Variants in SMARCA2 observed in about 807,000 individuals in gnomAD.
The protein encoded by SMARCA2 is SWI/SNF-related matrix-associated actin-dependent regulator of chromatin subfamily A member 2.
In SMARCA2, 61 loss-of-function variants were observed where a neutral mutation model predicts 199.8. That is an observed-to-expected ratio of 0.31 (90% CI 0.25 to 0.38). SMARCA2 has a LOEUF of 0.38. SMARCA2 is among the 10% of genes least tolerant of loss of function. SMARCA2 has a pLI of 1.00. For synonymous variants in SMARCA2, 935 were observed against 732.0 expected (o/e 1.28, Z -4.48); for missense variants, 1,344 against 2,012.2 (o/e 0.67, Z 6.35).
At chr9:2,019,061 C>A (rs572552744) in intron 1 of SMARCA2, among the ~76,000 whole-genome samples, 1 of 151,144 alleles carries the variant, frequency 6.6e-6, no homozygotes, top group African/African-American at 2.4e-5. Flanking sequence ...CTTTACAATG[C>A]AAATGTTTGC....
chr9:2,042,802 T>G (rs1282041786), intron 4 of SMARCA2: 1 of 152,154 alleles, frequency 6.6e-6, no homozygotes, highest in Non-Finnish European at 1.5e-5. Context: ...TGACAATATT[T>G]GGGCAGGTAG....
Position 2,115,817 on chromosome 9 carries a change from A to T in SMARCA2, c.3457-5A>T, listed in dbSNP as rs1038324759. 2 of 1,613,214 alleles carry T rather than the reference A, an allele frequency of 1.2e-6. No homozygotes were observed. The highest frequency in any genetic ancestry group is 1.7e-5 in the Admixed American group (1 of 59,966). On this transcript the variant is annotated splice_region_variant and splice_polypyrimidine_tract_variant and intron_variant, in intron 24 of 33. Coordinates refer to ENST00000349721, the MANE Select transcript of SMARCA2 (RefSeq NM_003070.5). This position sits in a 1 kb window ranked among gnomAD's most constrained non-coding sequence, Gnocchi z 6.0. ...GTCCTCATAGCATATTGACCCCCCAAACAGGATCTGCAGGCCCAAGACCGA... is the reference window on the plus strand; with the variant it reads ...GTCCTCATAGCATATTGACCCCCCATACAGGATCTGCAGGCCCAAGACCGA...
intron 3 of SMARCA2, among the ~76,000 whole-genome samples, chr9:2,033,701 G>A (rs1403612978): frequency 6.6e-6 from 1 of 152,204 alleles, no homozygotes; most frequent in Non-Finnish European, 1.5e-5. Flanking sequence ...CATCAGCAGG[G>A]CCATGCTCTC....
chr9:2,096,337 T>C (rs1382437665), intron 19 of SMARCA2, among the ~76,000 whole-genome samples: 4 of 152,354 alleles, frequency 2.6e-5, no homozygotes, highest in South Asian at 4.1e-4. Flanking sequence ...AAATATCCCA[T>C]ATTGAACATT....
chr9:2,153,458 C>G (rs947437622), intron 27 of SMARCA2, among the ~76,000 whole-genome samples: 2 of 152,058 alleles, frequency 1.3e-5, no homozygotes, highest in Non-Finnish European at 2.9e-5. Flanking sequence ...CTTGAGCCCA[C>G]AAGGTTAAGG....
At chr9:2,187,268 G>A (rs530114665) in intron 32 of SMARCA2, among the ~76,000 whole-genome samples, 114 of 152,200 alleles carry the variant, frequency 7.5e-4, no homozygotes, top group African/African-American at 2.5e-3. Flanking sequence ...GGGTTTTGGT[G>A]CCCCCTTAAA....
At chr9:2,185,570 T>A (rs551034631) in intron 31 of SMARCA2, among the ~76,000 whole-genome samples, 2 of 152,288 alleles carry the variant, frequency 1.3e-5, no homozygotes, top group Non-Finnish European at 2.9e-5. Flanking sequence ...TTTCAATTTT[T>A]TGAGGAAAAG....
In SMARCA2 at chr9:2,170,743, C is replaced by T. The variant is rs575715385; in HGVS notation, c.4253+271C>T. 6.6e-6 allele frequency among the ~76,000 whole-genome samples: 1 copy of T among 152,202 alleles called. No homozygotes were observed. The highest frequency in any genetic ancestry group is 1.5e-5 in the Non-Finnish European group (1 of 68,020). On this transcript the variant is annotated intron_variant, in intron 29 of 33. Coordinates refer to ENST00000349721, the MANE Select transcript of SMARCA2 (RefSeq NM_003070.5). The surrounding 1 kb of genome is among the most constrained non-coding windows in gnomAD (Gnocchi z 4.7). ...GGAGCTCCTGGAAAGCCCGCCCTAA[C>T]TGCAGCATCTTGGAGATGGGTTTCT... is the stretch of plus-strand genomic sequence containing the variant.
At chr9:2,058,195 C>A in intron 7 of SMARCA2, 96 bp from the exon 8 acceptor site, 1 of 1,060,458 alleles carries the variant, frequency 9.4e-7, no homozygotes, top group Non-Finnish European at 1.4e-6. Flanking sequence ...TGCTGTTAAA[C>A]ACACACTGAG....
Position 2,083,393 on chromosome 9 carries a change from G to T in SMARCA2, c.2395G>T (p.Val799Leu). ...TYEFDKWAPS[V>L]VKISYKGTPA... The stretch of plus-strand genomic sequence containing the variant: ...TGAATTTGACAAATGGGCTCCTTCT[G>T]TGGTGAAGATTTCTTACAAGGTTTG... The change falls in exon 16 of 34, where the codon GTG becomes TTG. Residue 799 changes from valine (V) to leucine (L), a missense_variant. Physicochemically the swap from Val to Leu is conservative, Grantham distance 32. Coordinates refer to ENST00000349721, the MANE Select transcript of SMARCA2 (RefSeq NM_003070.5). The T allele has an allele frequency of 6.2e-7, 1 of 1,604,960 alleles. No individual in the cohort carries two copies.
intron 29 of SMARCA2, among the ~76,000 whole-genome samples, chr9:2,175,168 T>C (rs1400322649): frequency 6.6e-6 from 1 of 151,986 alleles, no homozygotes. Context: ...GGCAGTGGAG[T>C]TCTGTACCTG....
At chr9:2,049,234 A>G (rs1029923408) in intron 5 of SMARCA2, among the ~76,000 whole-genome samples, 2 of 152,054 alleles carry the variant, frequency 1.3e-5, no homozygotes, top group Non-Finnish European at 2.9e-5. Context: ...TTAACTTTTT[A>G]TTTTGCTAAC....
chr9:2,022,802 C>T (rs879072345), intron 1 of SMARCA2, among the ~76,000 whole-genome samples: 1 of 152,140 alleles, frequency 6.6e-6, no homozygotes, highest in Admixed American at 6.5e-5. Flanking sequence ...TGTAAATATA[C>T]GTGACATATT....
At position 2,086,701 on chromosome 9, in the gene SMARCA2, C is replaced by T; in HGVS notation, c.2527-128C>T. The T allele has an allele frequency of 6.3e-6, 6 of 959,388 alleles. No homozygotes were observed. Among genetic ancestry groups the T allele is most frequent in the African/African-American group, 1.6e-5 (1 of 61,792 alleles). The allele number at this position is 959,388 out of a possible 1,614,324, so 59.4% of individuals were successfully genotyped here. On this transcript the variant is annotated intron_variant, in intron 17 of 33. Coordinates refer to ENST00000349721, the MANE Select transcript of SMARCA2 (RefSeq NM_003070.5). This position sits in a 1 kb window ranked among gnomAD's most constrained non-coding sequence, Gnocchi z 4.3. ...AGACATTGTTGAGATTCCCTTGTCTCAAAGGTAATCACAGCATATCATATA... is the reference window on the plus strand; with the variant it reads ...AGACATTGTTGAGATTCCCTTGTCTTAAAGGTAATCACAGCATATCATATA...
intron 28 of SMARCA2, among the ~76,000 whole-genome samples, chr9:2,163,479 C>A (rs957251046): frequency 1.3e-5 from 2 of 152,154 alleles, no homozygotes; most frequent in Non-Finnish European, 1.5e-5. Context: ...GTAACTCTTA[C>A]GTTTTTACTC....
At chr9:2,180,603 T>C (rs10122778) in intron 29 of SMARCA2, among the ~76,000 whole-genome samples, 105,729 of 152,064 alleles carry the variant, frequency 0.7, 37,003 homozygotes, top group African/African-American at 0.76. Context: ...CTAAGGGGAG[T>C]GAGACTTTTG....
chr9:2,046,607 T>TA (rs1399789574), intron 4 of SMARCA2, among the ~76,000 whole-genome samples: 1 of 152,254 alleles, frequency 6.6e-6, no homozygotes, highest in Non-Finnish European at 1.5e-5. Context: ...AGAAGACTGA[T>TA]AAACTCGTTG....
chr9:2,061,015 CCAGGGTGTATGGG>C lies in SMARCA2; in HGVS notation c.1692+35_1692+47del, dbSNP rs747859368. On this transcript the variant is annotated intron_variant, in intron 9 of 33. Coordinates refer to ENST00000349721, the MANE Select transcript of SMARCA2 (RefSeq NM_003070.5). ...CGTATCCTAGTGGTGGTGGCTGAGT[CCAGGGTGTATGGG>C]CAGGGATAAGTTTTTAAGGCGAGTA... The C allele has an allele frequency of 3.7e-6, 6 of 1,605,722 alleles. No homozygotes were observed. The African/African-American group carries it at 8.0e-5, about 21-fold the overall frequency.
At chr9:2,130,107 G>A (rs147651727) in intron 27 of SMARCA2, among the ~76,000 whole-genome samples, 3,748 of 152,260 alleles carry the variant, frequency 0.025, 92 homozygotes, top group Non-Finnish European at 0.032. Flanking sequence ...ACCTGCTTCC[G>A]TCTCCCAAAG....
Sources: gnomAD v4.1 joint callset for allele counts (sites outside exome capture counted in the v4.1 genomes callset) on GRCh38, gnomAD v4.1.1 for gene constraint, Gnocchi (gnomAD v3.1) non-coding constraint, MANE v1.5 for transcripts, NCBI Gene and HGNC (gene_info 2026-07-23, HGNC 2026-07-21) for gene names.